The following PDXDC1 variants were observed in gnomAD, a reference collection of about 807,000 sequenced individuals.
The protein encoded by PDXDC1 is pyridoxal dependent decarboxylase domain containing 1.
In PDXDC1, 42 loss-of-function variants were observed where a neutral mutation model predicts 100.1. The ratio of observed to expected loss-of-function variants is 0.42; its 90% confidence interval spans 0.33 to 0.54. The LOEUF (loss-of-function observed/expected upper bound fraction) is 0.54, where lower values mean the gene tolerates loss of function less well. PDXDC1 is among the 20% of genes least tolerant of loss of function. PDXDC1 has a pLI of 0.10. For missense variants in PDXDC1, 636 were observed against 979.2 expected (o/e 0.65, Z 4.68); for synonymous variants, 260 against 371.7 (o/e 0.70, Z 3.46).
intron 16 of PDXDC1, chr16:15,128,384 T>C (rs776830450): frequency 7.0e-6 from 11 of 1,572,916 alleles, no homozygotes; most frequent in South Asian, 1.1e-5. Flanking sequence ...ACGTGGGCCG[T>C]GGTACCTGGA....
At chr16:15,090,078 C>T (rs2046072013) in intron 16 of PDXDC1, among the ~76,000 whole-genome samples, 2 of 151,772 alleles carry the variant, frequency 1.3e-5, no homozygotes, top group African/African-American at 4.8e-5. Flanking sequence ...GGCATGGTGG[C>T]GGGTGCCTGT....
At chr16:15,101,312 T>G (rs1460469829) in intron 16 of PDXDC1, among the ~76,000 whole-genome samples, 1 of 152,128 alleles carries the variant, frequency 6.6e-6, no homozygotes, top group Admixed American at 6.5e-5. Flanking sequence ...GCACGGTCTT[T>G]TTTGTTTGTT....
chr16:15,125,612 T>A, intron 16 of PDXDC1: 2 of 1,197,148 alleles, frequency 1.7e-6, no homozygotes. Flanking sequence ...TGCTGAGAGG[T>A]GCACAGTGTC....
At chr16:15,035,644 G>A (rs1162816898) in intron 22 of PDXDC1, 91 bp downstream of exon 22, 5 of 699,564 alleles carry the variant, frequency 7.1e-6, no homozygotes, top group Non-Finnish European at 1.2e-5. Flanking sequence ...AACTCCAGAG[G>A]TCTATTTCTC....
At chr16:15,047,336 A>G in intron 16 of PDXDC1, 2 of 764,526 alleles carry the variant, frequency 2.6e-6, no homozygotes, top group Non-Finnish European at 4.6e-6. Context: ...CGAGGCAGAC[A>G]CGGCAGTGGT....
At position 15,032,824 on chromosome 16, in the gene PDXDC1, T is replaced by C. The variant is rs2043148778; in HGVS notation, c.1572-37T>C. ...CCTGTATCAGAAGAGACATTTGATC[T>C]TTTAAGCTGAAATGCTGTGGTTTGA... On this transcript the variant is annotated intron_variant, in intron 17 of 22. Coordinates refer to ENST00000396410, the MANE Select transcript of PDXDC1 (RefSeq NM_015027.4). 2.6e-6 allele frequency: 3 copies of C among 1,154,192 alleles called. No homozygotes were observed. In the East Asian group the frequency reaches 7.0e-5, roughly 27 times the overall value. The allele number at this position is 1,154,192 out of a possible 1,614,324, so 71.5% of individuals were successfully genotyped here. A position where few individuals can be genotyped will look rare whatever the true frequency, so the allele number is the denominator to read the frequency against.
At chr16:15,136,200 G>T in intron 16 of PDXDC1, 1 of 707,514 alleles carries the variant, frequency 1.4e-6, no homozygotes. Flanking sequence ...ACAGCAGCCC[G>T]CTGGGAGCCC....
intron 16 of PDXDC1, chr16:15,132,936 G>A: frequency 1.9e-6 from 3 of 1,578,282 alleles, no homozygotes; most frequent in African/African-American, 1.3e-5. Context: ...GAGGCCAGCA[G>A]ATGCCCACGA....
chr16:15,133,219 G>A, intron 16 of PDXDC1: 2 of 1,273,648 alleles, frequency 1.6e-6, no homozygotes, highest in South Asian at 1.2e-5. Flanking sequence ...TTGGTCCCCA[G>A]CACGCATGCA....
At chr16:15,060,113 T>G (rs907861464) in intron 16 of PDXDC1, 5 of 343,530 alleles carry the variant, frequency 1.5e-5, no homozygotes, top group Non-Finnish European at 2.9e-5. Context: ...CCATGGATTT[T>G]TTTTCACAAA....
At chr16:15,048,390 G>GTTTA (rs2151717505) in intron 16 of PDXDC1, among the ~76,000 whole-genome samples, 1 of 152,260 alleles carries the variant, frequency 6.6e-6, no homozygotes, top group African/African-American at 2.4e-5. Context: ...TTGTTTGTTT[G>GTTTA]TTTGTTTTTT....
At chr16:15,013,061 T>C (rs2041459721) in intron 8 of PDXDC1, among the ~76,000 whole-genome samples, 2 of 152,244 alleles carry the variant, frequency 1.3e-5, no homozygotes, top group African/African-American at 4.8e-5. Flanking sequence ...TCCTAGCTAC[T>C]TGGGAGGCCG....
chr16:15,081,100 T>C (rs911300146), intron 16 of PDXDC1, among the ~76,000 whole-genome samples: 3 of 152,324 alleles, frequency 2.0e-5, no homozygotes, highest in East Asian at 1.9e-4. Context: ...CATTGTACCA[T>C]GTTTTGTCTG....
At chr16:15,040,210 T>G, downstream of PDXDC1, 2 of 449,656 alleles carry the variant, frequency 4.4e-6, no homozygotes, top group Non-Finnish European at 7.9e-6. Context: ...TCCCCCTCCC[T>G]GGAGGGGGAA....
At chr16:15,092,322 G>A (rs1215017003) in intron 16 of PDXDC1, among the ~76,000 whole-genome samples, 1 of 152,152 alleles carries the variant, frequency 6.6e-6, no homozygotes, top group Non-Finnish European at 1.5e-5. Flanking sequence ...TGTGAAATGG[G>A]CCAAGGTGGG....
downstream of PDXDC1, among the ~76,000 whole-genome samples, chr16:15,038,956 C>G (rs1437133597): frequency 6.6e-6 from 1 of 152,174 alleles, no homozygotes; most frequent in Non-Finnish European, 1.5e-5. Context: ...ACTTGAGGCT[C>G]AGAGAAACAA....
chr16:15,050,404 G>A (rs1361507163), intron 16 of PDXDC1, among the ~76,000 whole-genome samples: 2 of 152,116 alleles, frequency 1.3e-5, no homozygotes, highest in Non-Finnish European at 2.9e-5. Flanking sequence ...CATTTCGCAT[G>A]ACTGGTGCTA....
At position 15,028,150 on chromosome 16, in the gene PDXDC1, C is replaced by T. The variant is rs374111002; in HGVS notation, c.1205-728C>T. ...CTTCTGCCTTCCCCCCTTCCACTCTCCCTCTTGTTCGTTGTGCCTCAGTCA... is the reference window on the plus strand; with the variant it reads ...CTTCTGCCTTCCCCCCTTCCACTCTTCCTCTTGTTCGTTGTGCCTCAGTCA... On this transcript the variant is annotated intron_variant, in intron 14 of 22. Coordinates refer to ENST00000396410, the MANE Select transcript of PDXDC1 (RefSeq NM_015027.4). Among the ~76,000 whole-genome samples, 22 of 152,404 alleles carry T rather than the reference C, an allele frequency of 1.4e-4. No homozygotes were observed. In the East Asian group the frequency reaches 1.5e-3, roughly 11 times the overall value.
In PDXDC1 at chr16:15,037,982, C is replaced by CAATGGTCTGTCAGGCCA; in HGVS notation, c.*1709_*1725dup. Reference sequence around the variant, plus strand: ...AGATCTGGATTCGTGCCAGCCCCACCAATGGTCTGTCAGGCCAAGAAGGTG... The same window carrying CAATGGTCTGTCAGGCCA: ...AGATCTGGATTCGTGCCAGCCCCACCAATGGTCTGTCAGGCCAAATGGTCTGTCAGGCCAAGAAGGTG... On this transcript the variant is annotated 3_prime_UTR_variant, in exon 23 of 23. Transcript: ENST00000396410. The CAATGGTCTGTCAGGCCA allele has an allele frequency of 1.4e-6, 2 of 1,441,472 alleles. No individual in the cohort carries two copies. The highest frequency in any genetic ancestry group is 1.9e-6 in the Non-Finnish European group (2 of 1,035,422). The allele number at this position is 1,441,472 out of a possible 1,614,324, so 89.3% of individuals were successfully genotyped here.
Sources: gnomAD v4.1 joint callset for allele counts (sites outside exome capture counted in the v4.1 genomes callset) on GRCh38, gnomAD v4.1.1 for gene constraint, MANE v1.5 for transcripts, NCBI Gene and HGNC (gene_info 2026-07-23, HGNC 2026-07-21) for gene names.